DLG2: variants seen among roughly 807,000 people sequenced by gnomAD.
DLG2 encodes the protein discs large MAGUK scaffold protein 2.
A neutral mutation model predicts 132.5 loss-of-function variants in DLG2; 45 were observed. The observed-to-expected ratio is 0.34, with a 90% CI of 0.27 to 0.44. The LOEUF (loss-of-function observed/expected upper bound fraction) is 0.44. DLG2 is among the 20% of genes least tolerant of loss of function. The probability of loss-of-function intolerance (pLI) is 1.00; values close to 1 mark genes in which losing one functional copy is unlikely to be tolerated. For synonymous variants in DLG2, 424 were observed against 419.6 expected (o/e 1.01, Z -0.13); for missense variants, 1,045 against 1,196.9 (o/e 0.87, Z 1.87).
chr11:84,125,844 T>G (rs1026049349), intron 9 of DLG2, among the ~76,000 whole-genome samples: 2 of 152,206 alleles, frequency 1.3e-5, no homozygotes, highest in African/African-American at 4.8e-5. Context: ...AATTAATTGT[T>G]TTTCTAGTGT....
intron 4 of DLG2, among the ~76,000 whole-genome samples, chr11:85,163,636 A>C (rs572635816): frequency 1.3e-5 from 2 of 152,308 alleles, no homozygotes; most frequent in Admixed American, 6.5e-5. Context: ...AGTAAGAAAG[A>C]AATGGATTAA....
chr11:85,184,797 C>G (rs2079977246), intron 4 of DLG2, among the ~76,000 whole-genome samples: 1 of 151,424 alleles, frequency 6.6e-6, no homozygotes, highest in Admixed American at 6.6e-5. Context: ...AAAATAAAAG[C>G]AAGTTACCAG....
chr11:83,819,924 A>C (rs1289460129), intron 17 of DLG2, among the ~76,000 whole-genome samples: 1 of 151,332 alleles, frequency 6.6e-6, no homozygotes, highest in Non-Finnish European at 1.5e-5. Flanking sequence ...TCTTATGTTT[A>C]AATACAGGAC....
intron 6 of DLG2, among the ~76,000 whole-genome samples, chr11:84,805,356 A>G (rs1458644922): frequency 6.6e-6 from 1 of 152,128 alleles, no homozygotes; most frequent in Non-Finnish European, 1.5e-5. Context: ...AATCAGTCAT[A>G]TTACCAAGAA....
chr11:85,484,958 T>C (rs981464940), intron 3 of DLG2, among the ~76,000 whole-genome samples: 95 of 152,262 alleles, frequency 6.2e-4, no homozygotes, highest in Admixed American at 1.2e-3. Flanking sequence ...AACCCAAATG[T>C]CCGACAATCA....
intron 6 of DLG2, among the ~76,000 whole-genome samples, chr11:84,985,489 GA>G (rs1041084143): frequency 6.6e-6 from 1 of 151,806 alleles, no homozygotes; most frequent in African/African-American, 2.4e-5. Context: ...GTGCTAAGAG[GA>G]AAATTCATAG....
chr11:85,514,933 G>T (rs1480075833), intron 3 of DLG2, among the ~76,000 whole-genome samples: 1 of 151,862 alleles, frequency 6.6e-6, no homozygotes, highest in Non-Finnish European at 1.5e-5. Flanking sequence ...TACTTTCGTT[G>T]TACATCTATC....
chr11:84,776,652 C>T (rs1394730224), intron 6 of DLG2, among the ~76,000 whole-genome samples: 2 of 152,078 alleles, frequency 1.3e-5, no homozygotes, highest in Admixed American at 6.6e-5. Flanking sequence ...TTAGTGAAAA[C>T]GATATAATAT....
At chr11:85,207,117 T>C (rs1358880619) in intron 4 of DLG2, among the ~76,000 whole-genome samples, 1 of 152,214 alleles carries the variant, frequency 6.6e-6, no homozygotes, top group Non-Finnish European at 1.5e-5. Flanking sequence ...TAAATTTTTA[T>C]CATGGCATCT....
intron 17 of DLG2, among the ~76,000 whole-genome samples, chr11:83,793,167 G>A (rs2042007159): frequency 1.3e-5 from 2 of 152,076 alleles, no homozygotes; most frequent in African/African-American, 4.8e-5. Flanking sequence ...AATGAAGAAT[G>A]TTATTGTTCC....
At chr11:85,343,874 G>A (rs968586544) in intron 3 of DLG2, among the ~76,000 whole-genome samples, 3 of 152,086 alleles carry the variant, frequency 2.0e-5, no homozygotes, top group East Asian at 1.9e-4. Flanking sequence ...GGCTTTGAGC[G>A]TAAATGTTTC....
intron 3 of DLG2, among the ~76,000 whole-genome samples, chr11:85,568,808 A>G (rs114107870): frequency 0.014 from 2,199 of 152,022 alleles, 49 homozygotes; most frequent in African/African-American, 0.051. Context: ...CTTTTTTTTA[A>G]TAGTCTAGCT....
At chr11:83,717,606 C>T (rs190557126) in intron 18 of DLG2, among the ~76,000 whole-genome samples, 6 of 152,126 alleles carry the variant, frequency 3.9e-5, no homozygotes, top group East Asian at 3.8e-4. Flanking sequence ...ATAGCTGTCA[C>T]GACAGTTGAT....
At chr11:83,900,369 C>T (rs1161078357) in intron 15 of DLG2, among the ~76,000 whole-genome samples, 2 of 152,160 alleles carry the variant, frequency 1.3e-5, no homozygotes, top group Non-Finnish European at 2.9e-5. Context: ...GGAAATGTCT[C>T]TAGGGCATGT....
intron 2 of DLG2, among the ~76,000 whole-genome samples, chr11:85,617,977 T>C (rs1018598748): frequency 6.6e-6 from 1 of 152,232 alleles, no homozygotes; most frequent in African/African-American, 2.4e-5. Context: ...TACTATACCA[T>C]TCCTCTTGAT....
In DLG2 at chr11:84,449,010, C is replaced by T. The variant is rs141165533; in HGVS notation, c.519+85560G>A. 2.0e-5 allele frequency among the ~76,000 whole-genome samples: 3 copies of T among 151,812 alleles called. No homozygotes were observed. In the East Asian group the frequency reaches 5.8e-4, roughly 29 times the overall value. On this transcript the variant is annotated intron_variant, in intron 7 of 27. Transcript: ENST00000376104. ...AGACCTATCTAGCATTTGTTATTAC[C>T]CTCTATTTGCATTTTTACCTTATAC...
chr11:84,307,329 A>T (rs2098230840), intron 7 of DLG2, among the ~76,000 whole-genome samples: 1 of 152,208 alleles, frequency 6.6e-6, no homozygotes, highest in Non-Finnish European at 1.5e-5. Context: ...GGAACAATAG[A>T]CACCAGGACT....
intron 18 of DLG2, among the ~76,000 whole-genome samples, chr11:83,708,338 G>A (rs965130032): frequency 1.3e-5 from 2 of 152,192 alleles, no homozygotes; most frequent in African/African-American, 4.8e-5. Context: ...AGCCATGTTT[G>A]CTTTTGGCAT....
intron 6 of DLG2, among the ~76,000 whole-genome samples, chr11:84,674,020 G>T (rs1413756737): frequency 6.6e-6 from 1 of 152,152 alleles, no homozygotes; most frequent in East Asian, 1.9e-4. Context: ...AAGAGGTGCA[G>T]AATAATGGCA....
Sources: gnomAD v4.1 joint callset for allele counts (sites outside exome capture counted in the v4.1 genomes callset) on GRCh38, gnomAD v4.1.1 for gene constraint, MANE v1.5 for transcripts, NCBI Gene and HGNC (gene_info 2026-07-23, HGNC 2026-07-21) for gene names.